CHODL: variants seen among roughly 807,000 people sequenced by gnomAD.
The protein encoded by CHODL is chondrolectin, also known as transmembrane protein MT75.
A neutral mutation model predicts 34.5 loss-of-function variants in CHODL; 29 were observed. The observed-to-expected ratio is 0.84, with a 90% CI of 0.63 to 1.15. The LOEUF is 1.15. Ranked by LOEUF, CHODL falls within the 50% of genes most tolerant of loss-of-function variation. The pLI, the probability that CHODL is intolerant of heterozygous loss-of-function variation, is 0.00. For synonymous variants in CHODL, 125 were observed against 116.1 expected, an observed-to-expected ratio of 1.08 and a Z score of -0.49; for missense variants, 332 against 332.5, an observed-to-expected ratio of 1.00 and a Z score of 0.01.
intron 1 of CHODL, among the ~76,000 whole-genome samples, chr21:17,962,668 A>G (rs960950548): frequency 6.6e-6 from 1 of 152,234 alleles, no homozygotes; most frequent in Non-Finnish European, 1.5e-5. Context: ...TAGCTGATAA[A>G]GTGATATTCT....
intron 1 of CHODL, among the ~76,000 whole-genome samples, chr21:18,009,202 T>C (rs2063988516): frequency 6.6e-6 from 1 of 152,220 alleles, no homozygotes. Context: ...GATTCAGTAG[T>C]CATTTTTATT....
intron 2 of CHODL, among the ~76,000 whole-genome samples, chr21:18,081,374 T>C (rs1296716015): frequency 6.6e-6 from 1 of 152,158 alleles, no homozygotes; most frequent in Non-Finnish European, 1.5e-5. Context: ...TACAGTACTA[T>C]GTTGAATAAG....
chr21:18,098,451 TA>T (rs1391016920), intron 2 of CHODL, among the ~76,000 whole-genome samples: 1 of 152,064 alleles, frequency 6.6e-6, no homozygotes, highest in Non-Finnish European at 1.5e-5. Context: ...AACAGGCATG[TA>T]AAAAAGTGCT....
At chr21:18,092,298 G>A (rs527785533) in intron 2 of CHODL, among the ~76,000 whole-genome samples, 1 of 152,310 alleles carries the variant, frequency 6.6e-6, no homozygotes, top group East Asian at 1.9e-4. Flanking sequence ...AAAAACCACA[G>A]CATTATTAGG....
chr21:17,942,386 G>A (rs899128470), intron 1 of CHODL, among the ~76,000 whole-genome samples: 4 of 152,128 alleles, frequency 2.6e-5, no homozygotes, highest in African/African-American at 9.7e-5. Flanking sequence ...AGATCTGATG[G>A]TTGTATAAAG....
At chr21:18,197,413 C>T (rs141160851) in intron 2 of CHODL, among the ~76,000 whole-genome samples, 6,264 of 152,218 alleles carry the variant, frequency 0.041, 196 homozygotes, top group Non-Finnish European at 0.065. Flanking sequence ...GAGTTCGAGA[C>T]CAACCTGGCC....
At chr21:18,161,862 G>A (rs2073099378) in intron 2 of CHODL, among the ~76,000 whole-genome samples, 2 of 152,094 alleles carry the variant, frequency 1.3e-5, no homozygotes, top group African/African-American at 2.4e-5. Context: ...GACTGTGTTC[G>A]TTCACTGGTA....
At chr21:18,167,898 A>G (rs1200702541) in intron 2 of CHODL, among the ~76,000 whole-genome samples, 1 of 152,140 alleles carries the variant, frequency 6.6e-6, no homozygotes, top group Non-Finnish European at 1.5e-5. Context: ...TATTTGAGTC[A>G]GTGGACTGGG....
chr21:18,081,207 A>G (rs1360454602), intron 2 of CHODL, among the ~76,000 whole-genome samples: 2 of 152,146 alleles, frequency 1.3e-5, no homozygotes, highest in African/African-American at 4.8e-5. Flanking sequence ...TACTCAATTC[A>G]TTTATCAAAT....
At chr21:18,169,771 C>A (rs925135104) in intron 2 of CHODL, among the ~76,000 whole-genome samples, 1 of 152,040 alleles carries the variant, frequency 6.6e-6, no homozygotes, top group Admixed American at 6.5e-5. Context: ...CTAAGCACCA[C>A]ATTAGCTGTA....
intron 1 of CHODL, among the ~76,000 whole-genome samples, chr21:18,025,272 G>A (rs537748823): frequency 1.3e-5 from 2 of 152,280 alleles, no homozygotes; most frequent in East Asian, 3.9e-4. Context: ...CACTTGGCTA[G>A]CTTAACCTTA....
At chr21:18,020,299 T>A (rs539871103) in intron 1 of CHODL, among the ~76,000 whole-genome samples, 84 of 152,266 alleles carry the variant, frequency 5.5e-4, no homozygotes, top group African/African-American at 1.9e-3. Context: ...TAAATTAATA[T>A]GAAAAATTGT....
intron 2 of CHODL, among the ~76,000 whole-genome samples, chr21:18,236,333 T>C (rs146218598): frequency 1.3e-5 from 2 of 152,210 alleles, no homozygotes; most frequent in African/African-American, 4.8e-5. Flanking sequence ...GTCCTTTCCA[T>C]AGCACATGGG....
intron 1 of CHODL, among the ~76,000 whole-genome samples, chr21:18,253,697 A>T (rs1288724345): frequency 6.6e-6 from 1 of 152,126 alleles, no homozygotes; most frequent in African/African-American, 2.4e-5. Flanking sequence ...TTAATTTGGG[A>T]CTTTCATGAT....
At chr21:18,127,271 G>A (rs569684422) in intron 2 of CHODL, among the ~76,000 whole-genome samples, 5 of 152,214 alleles carry the variant, frequency 3.3e-5, no homozygotes, top group African/African-American at 1.2e-4. Flanking sequence ...ACTGAATTGT[G>A]TGGCTTTTAA....
At chr21:17,992,941 C>T (rs550113479) in intron 1 of CHODL, among the ~76,000 whole-genome samples, 28 of 152,116 alleles carry the variant, frequency 1.8e-4, no homozygotes, top group Middle Eastern at 6.8e-3. Context: ...GTGTGAGCCA[C>T]GGCGCCCGGC....
At chr21:18,004,843 A>C (rs571036074) in intron 1 of CHODL, among the ~76,000 whole-genome samples, 40 of 150,936 alleles carry the variant, frequency 2.7e-4, no homozygotes, top group Middle Eastern at 3.4e-3. Flanking sequence ...AAAAAAAAAA[A>C]AACAACAACA....
chr21:18,265,655 TC>T (rs2074450060), intron 5 of CHODL, among the ~76,000 whole-genome samples: 1 of 151,908 alleles, frequency 6.6e-6, no homozygotes, highest in South Asian at 2.1e-4. Flanking sequence ...CACCACCCGT[TC>T]CCCCATAACC....
chr21:18,038,955 T>C (rs1437704964), intron 2 of CHODL, among the ~76,000 whole-genome samples: 1 of 151,676 alleles, frequency 6.6e-6, no homozygotes, highest in Non-Finnish European at 1.5e-5. Flanking sequence ...ATCCCAGATA[T>C]GTAAACAAAA....
Sources: gnomAD v4.1 joint callset for allele counts (sites outside exome capture counted in the v4.1 genomes callset) on GRCh38, gnomAD v4.1.1 for gene constraint, MANE v1.5 for transcripts, NCBI Gene and HGNC (gene_info 2026-07-23, HGNC 2026-07-21) for gene names.